LARP4B: variants seen among roughly 807,000 people sequenced by gnomAD.
LARP4B encodes the protein la-related protein 4B.
LARP4B carries 12 observed loss-of-function variants against 89.8 expected under a neutral mutation model. The ratio of observed to expected loss-of-function variants is 0.13; its 90% CI spans 0.09 to 0.22. The LOEUF is 0.22. LARP4B is among the 10% of genes least tolerant of loss of function. The probability of loss-of-function intolerance (pLI) is 1.00; values close to 1 mark genes in which losing one functional copy is unlikely to be tolerated. For missense variants in LARP4B, 757 were observed against 947.7 expected (o/e 0.80, Z 2.64); for synonymous variants, 367 against 363.3 (o/e 1.01, Z -0.12).
At chr10:963,872 G>C in the LARP4B span, among the ~76,000 whole-genome samples, 1 of 152,184 alleles carries the variant, frequency 6.6e-6, no homozygotes, top group African/African-American at 2.4e-5. Flanking sequence ...GAGCCCTTGT[G>C]ACTCAAACAA....
intron 3 of LARP4B, among the ~76,000 whole-genome samples, chr10:883,775 A>AG (rs1350598030): frequency 7.0e-6 from 1 of 143,748 alleles, no homozygotes; most frequent in Non-Finnish European, 1.6e-5. Context: ...TCTCTATTTG[A>AG]AAAAAAAAAC....
chr10:848,133 T>C (rs996556215), intron 5 of LARP4B, among the ~76,000 whole-genome samples: 2 of 152,132 alleles, frequency 1.3e-5, no homozygotes, highest in African/African-American at 4.8e-5. Context: ...TAACAATATA[T>C]GTCATTCACG....
intron 8 of LARP4B, among the ~76,000 whole-genome samples, chr10:833,249 T>TAAAAAAAAAAAAAAAAAAAAAAAAAAA (rs56788542): frequency 1.9e-5 from 1 of 52,038 alleles, no homozygotes; most frequent in Admixed American, 3.1e-4. Flanking sequence ...TGATGAGCTT[T>TAAAAAAAAAAAAAAAAAAAAAAAAAAA]AAAAAAAAAA....
At chr10:940,679 A>T in the LARP4B span, among the ~76,000 whole-genome samples, 2 of 152,256 alleles carry the variant, frequency 1.3e-5, no homozygotes, top group African/African-American at 4.8e-5. Context: ...TGGGGTACAT[A>T]AGAAAGAGAC....
At chr10:945,797 A>G in the LARP4B span, among the ~76,000 whole-genome samples, 64,562 of 152,116 alleles carry the variant, frequency 0.42, 14,156 homozygotes, top group African/African-American at 0.5. Context: ...GCTCTCTTTC[A>G]AATAAGGAAG....
intron 6 of LARP4B, among the ~76,000 whole-genome samples, chr10:844,404 A>G (rs917034532): frequency 1.3e-5 from 2 of 152,164 alleles, no homozygotes; most frequent in African/African-American, 4.8e-5. Flanking sequence ...CCTAGCAGAC[A>G]CCTGTGTGGA....
At chr10:900,103 T>C (rs1004078872) in intron 1 of LARP4B, among the ~76,000 whole-genome samples, 5 of 152,040 alleles carry the variant, frequency 3.3e-5, no homozygotes, top group Admixed American at 1.3e-4. Context: ...CCCACCACTT[T>C]GGGAGGCCGA....
the LARP4B span, chr10:942,084 A>G: frequency 5.3e-5 from 8 of 152,344 alleles, no homozygotes; most frequent in Admixed American, 3.9e-4. Context: ...AAATTCCCCA[A>G]GGTATCTATT....
chr10:848,637 TAAC>T (rs1322121832), intron 5 of LARP4B, among the ~76,000 whole-genome samples: 3 of 149,214 alleles, frequency 2.0e-5, no homozygotes, highest in Admixed American at 6.7e-5. Flanking sequence ...TTGATGAGAT[TAAC>T]AACAGGGTAA....
Position 813,960 on chromosome 10 carries a change from C to G in LARP4B, c.1930-747G>C, listed in dbSNP as rs569907428. The stretch of plus-strand genomic sequence containing the variant: ...GGGACTACAGGTGCCCACCACCAAA[C>G]CCAGCTAATTTTTTGTATTTTCAGT... On this transcript the variant is annotated intron_variant, in intron 17 of 17. Transcript: ENST00000316157. 2.2e-4 allele frequency among the ~76,000 whole-genome samples: 33 copies of G among 152,118 alleles called. No individual in the cohort carries two copies. In the East Asian group the frequency reaches 6.4e-3, roughly 29 times the overall value.
chr10:967,153 C>T, the LARP4B span, among the ~76,000 whole-genome samples: 4 of 152,200 alleles, frequency 2.6e-5, no homozygotes, highest in Admixed American at 1.3e-4. Context: ...GTGGACAGCC[C>T]CAAATCTTCA....
the LARP4B span, among the ~76,000 whole-genome samples, chr10:976,088 G>A: frequency 3.5e-4 from 43 of 123,666 alleles, no homozygotes; most frequent in Non-Finnish European, 6.2e-4. Context: ...GTGTGGACCC[G>A]GCCTAGTAGA....
intron 1 of LARP4B, among the ~76,000 whole-genome samples, chr10:925,307 G>A (rs1007293778): frequency 6.6e-6 from 1 of 152,072 alleles, no homozygotes; most frequent in African/African-American, 2.4e-5. Flanking sequence ...CCTGCCACAG[G>A]AAGAAAATGA....
At chr10:933,990 G>A (rs529651151), upstream of LARP4B, among the ~76,000 whole-genome samples, 4 of 151,808 alleles carry the variant, frequency 2.6e-5, no homozygotes, top group East Asian at 3.9e-4. Flanking sequence ...ATGCCACCAC[G>A]CCCAGCTAAT....
chr10:901,856 G>A (rs1025449675), intron 1 of LARP4B, among the ~76,000 whole-genome samples: 13 of 152,150 alleles, frequency 8.5e-5, no homozygotes, highest in African/African-American at 2.2e-4. Flanking sequence ...TATAGTTTGA[G>A]TTGGTTCTCC....
chr10:908,643 G>T (rs149148587), intron 1 of LARP4B, among the ~76,000 whole-genome samples: 6 of 152,248 alleles, frequency 3.9e-5, no homozygotes, highest in Non-Finnish European at 8.8e-5. Context: ...AGAAATCCCC[G>T]CACATTTCTT....
intron 1 of LARP4B, among the ~76,000 whole-genome samples, chr10:916,929 C>T (rs1451673538): frequency 6.6e-6 from 1 of 152,132 alleles, no homozygotes; most frequent in African/African-American, 2.4e-5. Flanking sequence ...AACTCATGGC[C>T]TCAAGCGATC....
At chr10:865,702 C>T (rs1340311654) in intron 3 of LARP4B, among the ~76,000 whole-genome samples, 1 of 152,242 alleles carries the variant, frequency 6.6e-6, no homozygotes, top group Non-Finnish European at 1.5e-5. Flanking sequence ...TACACAAGCA[C>T]TCCCCAAAGC....
chr10:919,171 A>G (rs1257619071), intron 1 of LARP4B, among the ~76,000 whole-genome samples: 1 of 152,236 alleles, frequency 6.6e-6, no homozygotes, highest in Non-Finnish European at 1.5e-5. Flanking sequence ...TTAAGTTATT[A>G]AACTATTAAG....
Sources: allele counts gnomAD v4.1 joint callset (sites outside exome capture counted in the v4.1 genomes callset), GRCh38; gene constraint gnomAD v4.1.1; transcripts MANE v1.5; gene names NCBI Gene and HGNC (gene_info 2026-07-23, HGNC 2026-07-21).